The following RPS6KA2 variants were observed in gnomAD, a reference collection of about 807,000 sequenced individuals.
The protein encoded by RPS6KA2 is ribosomal protein S6 kinase A2.
In RPS6KA2, 42 loss-of-function variants were observed where a neutral mutation model predicts 91.8. The observed-to-expected ratio is 0.46, with a 90% CI of 0.36 to 0.59. The LOEUF (loss-of-function observed/expected upper bound fraction) is 0.59, where lower values mean the gene tolerates loss of function less well. RPS6KA2 is among the 20% of genes least tolerant of loss of function. The pLI is 0.00. For synonymous variants in RPS6KA2, 414 were observed against 393.6 expected, an observed-to-expected ratio of 1.05 and a Z score of -0.61; for missense variants, 798 against 978.5, an observed-to-expected ratio of 0.82 and a Z score of 2.46.
intron 1 of RPS6KA2, chr6:166,544,488 C>T (rs1169667646): frequency 6.6e-6 from 1 of 152,166 alleles, no homozygotes; most frequent in Non-Finnish European, 1.5e-5. Flanking sequence ...CAAAAATCCT[C>T]CAGTAGGCCG....
chr6:166,637,130 T>A (rs1254391814), intron 2 of RPS6KA2, among the ~76,000 whole-genome samples: 1 of 152,198 alleles, frequency 6.6e-6, no homozygotes, highest in African/African-American at 2.4e-5. Context: ...TGGGGAGTGC[T>A]GATATGCTAG....
In RPS6KA2 at chr6:166,430,520, G is replaced by A. The variant is rs145694057; in HGVS notation, c.1514C>T (p.Ser505Leu). The A allele has an allele frequency of 6.8e-6, 11 of 1,614,096 alleles. No homozygotes were observed. Among genetic ancestry groups the A allele is most frequent in the Middle Eastern group, 1.7e-4 (1 of 6,060 alleles). ...LDRILRQRYF[S>L]EREASDVLCT... ...CAGGACGTCACTGGCTTCGCGCTCC[G>A]AGAAGTATCTCTGCCGGAGGATGCG... is the stretch of plus-strand genomic sequence containing the variant. The change falls in exon 16 of 21, where the codon TCG becomes TTG. Residue 505 changes from serine to leucine, a missense_variant. Physicochemically the swap from Ser to Leu is moderately radical, Grantham distance 145. Coordinates refer to ENST00000265678, the MANE Select transcript of RPS6KA2 (RefSeq NM_021135.6).
chr6:166,683,338 A>T (rs58396565), intron 2 of RPS6KA2, among the ~76,000 whole-genome samples: 1 of 152,396 alleles, frequency 6.6e-6, no homozygotes, highest in African/African-American at 2.4e-5. Flanking sequence ...GGCAAGAGCC[A>T]GAAATGTACC....
chr6:166,760,688 T>C (rs1039778126), intron 2 of RPS6KA2, among the ~76,000 whole-genome samples: 10 of 152,292 alleles, frequency 6.6e-5, no homozygotes, highest in African/African-American at 1.7e-4. Flanking sequence ...TGGCAATCCC[T>C]CTTCCCATTT....
intron 2 of RPS6KA2, among the ~76,000 whole-genome samples, chr6:166,856,448 T>C (rs2128634033): frequency 6.6e-6 from 1 of 152,326 alleles, no homozygotes; most frequent in East Asian, 1.9e-4. Flanking sequence ...GAGCAATATC[T>C]TTCTGTTGTG....
chr6:166,522,933 G>A (rs1456114950), intron 3 of RPS6KA2, among the ~76,000 whole-genome samples: 2 of 152,086 alleles, frequency 1.3e-5, no homozygotes, highest in Non-Finnish European at 2.9e-5. Context: ...CTATACTCAA[G>A]TATTTTTTAA....
intron 2 of RPS6KA2, among the ~76,000 whole-genome samples, chr6:166,642,407 A>G (rs575031958): frequency 6.6e-5 from 10 of 152,380 alleles, no homozygotes; most frequent in Admixed American, 1.3e-4. Context: ...CTAGACACAC[A>G]CGAGCTGCAT....
At chr6:166,486,899 T>C (rs1310607196) in intron 10 of RPS6KA2, among the ~76,000 whole-genome samples, 3 of 152,192 alleles carry the variant, frequency 2.0e-5, no homozygotes, top group Non-Finnish European at 2.9e-5. Context: ...CCTCAATGCA[T>C]GGCGCAGCTC....
chr6:166,801,971 C>T (rs574158380), intron 2 of RPS6KA2, among the ~76,000 whole-genome samples: 1 of 152,150 alleles, frequency 6.6e-6, no homozygotes, highest in Non-Finnish European at 1.5e-5. Flanking sequence ...TTAAATCCCT[C>T]CCTAGGCCGG....
intron 2 of RPS6KA2, among the ~76,000 whole-genome samples, chr6:166,804,038 T>C (rs1165788453): frequency 6.6e-6 from 1 of 152,252 alleles, no homozygotes; most frequent in Non-Finnish European, 1.5e-5. Context: ...GTGAGGTTTC[T>C]GAAGTCTGAT....
At chr6:166,450,009 GTC>G (rs1779823551) in intron 13 of RPS6KA2, among the ~76,000 whole-genome samples, 26 of 80,236 alleles carry the variant, frequency 3.2e-4, no homozygotes, top group Admixed American at 7.0e-4. Flanking sequence ...CACCATGGAT[GTC>G]ACCTAAGGGA....
At chr6:166,650,329 T>C (rs1787812263) in intron 2 of RPS6KA2, among the ~76,000 whole-genome samples, 4 of 151,868 alleles carry the variant, frequency 2.6e-5, no homozygotes, top group Admixed American at 6.6e-5. Context: ...AGCATTTAAT[T>C]TGCACCAGGA....
At chr6:166,661,113 G>A (rs1176271638) in intron 2 of RPS6KA2, among the ~76,000 whole-genome samples, 1 of 90,562 alleles carries the variant, frequency 1.1e-5, no homozygotes, top group South Asian at 3.9e-4. Flanking sequence ...TCTTTTTGTT[G>A]TTGTTGAGAC....
intron 10 of RPS6KA2, among the ~76,000 whole-genome samples, chr6:166,488,333 T>C (rs975872298): frequency 6.6e-6 from 1 of 152,096 alleles, no homozygotes; most frequent in Non-Finnish European, 1.5e-5. Flanking sequence ...TGTCTGACTC[T>C]GAGACAACAC....
At chr6:166,862,509 T>C in exon 1 of RPS6KA2, 1 of 505,136 alleles carries the variant, frequency 2.0e-6, no homozygotes, top group East Asian at 5.8e-5. Flanking sequence ...GAATCTGTAC[T>C]GCGACTTTGG....
At chr6:166,540,716 T>C (rs1783626832) in intron 1 of RPS6KA2, among the ~76,000 whole-genome samples, 1 of 152,188 alleles carries the variant, frequency 6.6e-6, no homozygotes, top group Admixed American at 6.5e-5. Context: ...AGGACCATGC[T>C]AGCCACCCGA....
intron 10 of RPS6KA2, among the ~76,000 whole-genome samples, chr6:166,483,626 C>T (rs1781311338): frequency 6.6e-6 from 1 of 152,214 alleles, no homozygotes. Context: ...AAATCGCATC[C>T]TCACTAAATA....
chr6:166,565,796 C>G (rs1002885703), intron 1 of RPS6KA2, among the ~76,000 whole-genome samples: 6 of 152,192 alleles, frequency 3.9e-5, no homozygotes, highest in South Asian at 2.1e-4. Flanking sequence ...GCCTGGAAGA[C>G]AGTGTGACCG....
rs1276878343 is a variant in RPS6KA2 at position 166,461,523 on chromosome 6, GGAGAGATGGGGA to G, written c.973-1984_973-1973del. 8.9e-4 allele frequency among the ~76,000 whole-genome samples: 64 copies of G among 72,192 alleles called. 1 individual carries two copies. Among genetic ancestry groups the G allele is most frequent in the African/African-American group, 3.7e-3 (60 of 16,270 alleles). The allele number at this position is 72,192 out of a possible 152,430, so 47.4% of individuals were successfully genotyped here. Reference sequence around the variant, plus strand: ...TGGAGAGAGAGAGAGAGAGAGATGGGGAGAGATGGGGAGAGAGGGGGTGGGGGGAGAAAGAGA... The same window carrying G: ...TGGAGAGAGAGAGAGAGAGAGATGGGGAGAGGGGGTGGGGGGAGAAAGAGA... On this transcript the variant is annotated intron_variant, in intron 11 of 20. Coordinates refer to ENST00000265678, the MANE Select transcript of RPS6KA2 (RefSeq NM_021135.6).
Sources: allele counts gnomAD v4.1 joint callset (sites outside exome capture counted in the v4.1 genomes callset), GRCh38; gene constraint gnomAD v4.1.1; transcripts MANE v1.5; gene names NCBI Gene and HGNC (gene_info 2026-07-23, HGNC 2026-07-21).